Variants in PRMT2 observed in about 807,000 individuals in gnomAD.
The protein encoded by PRMT2 is protein arginine methyltransferase 2, also known as protein arginine N-methyltransferase 2.
PRMT2 carries 26 observed loss-of-function variants against 57.6 expected under a neutral mutation model. That is an observed-to-expected ratio of 0.45 (90% CI 0.33 to 0.63). The LOEUF is 0.63. Among genes scored for constraint, PRMT2 ranks in the 20% least tolerant of loss-of-function variants. The pLI, the probability that PRMT2 is intolerant of heterozygous loss-of-function variation, is 0.02. For missense variants in PRMT2, 472 were observed against 564.4 expected, an observed-to-expected ratio of 0.84 and a Z score of 1.66; for synonymous variants, 219 against 220.0, an observed-to-expected ratio of 1.00 and a Z score of 0.04.
intron 7 of PRMT2, among the ~76,000 whole-genome samples, chr21:46,656,030 T>C (rs1273551165): frequency 6.6e-6 from 1 of 152,112 alleles, no homozygotes; most frequent in South Asian, 2.1e-4. Context: ...GTGGTGGTGT[T>C]GGGAGGTGGG....
rs761248972 is a variant in PRMT2, at chr21:46,660,959, A to G, written c.957A>G (p.Leu319=). ...TGAGAACCGTGCAAATTTCTGATCT[A>G]GAGGTGAGAAAAAGATGAATTGCTC... ...LDMRTVQISD[L]ETLRGELRFD... The change falls in exon 9 of 12, where the codon CTA becomes CTG. Residue 319 remains leucine, a synonymous_variant. Transcript: ENST00000355680. The G allele has an allele frequency of 1.7e-5, 28 of 1,611,994 alleles. No homozygotes were observed. The South Asian group carries it at 3.0e-4, about 17-fold the overall frequency.
chr21:46,663,692 C>T (rs2061664144), intron 11 of PRMT2, 138 bp downstream of exon 11: 1 of 853,364 alleles, frequency 1.2e-6, no homozygotes, highest in South Asian at 1.9e-5. Context: ...AATCCTTACA[C>T]AGAAAGCGCC....
At chr21:46,642,437 G>T (rs558117762) in intron 3 of PRMT2, among the ~76,000 whole-genome samples, 125 of 152,310 alleles carry the variant, frequency 8.2e-4, no homozygotes, top group Middle Eastern at 3.4e-3. Context: ...TGAACCCAGT[G>T]AATGCTTTGT....
rs1423676363 is a variant in PRMT2, at chr21:46,660,865, C to T, written c.863C>T (p.Pro288Leu). 3 of 1,613,510 alleles carry T rather than the reference C, an allele frequency of 1.9e-6. No individual in the cohort carries two copies. The highest frequency in any genetic ancestry group is 3.3e-5 in the Admixed American group (2 of 59,968). ...SLAVKEFFSK[P>L]KYNHILKPED... ...GCAGTTAAGGAGTTTTTTTCAAAGC[C>T]CAAGTATAACCACATTTTGAAACCA... The change falls in exon 9 of 12, where the codon CCC (proline) becomes CTC (leucine). Residue 288 changes from proline to leucine, a missense_variant. Around this residue, in one of 2 missense-constraint regions of PRMT2, gnomAD observed 229 missense variants for 217.2 expected, o/e 1.05. Coordinates refer to ENST00000355680, the MANE Select transcript of PRMT2 (RefSeq NM_206962.4).
chr21:46,648,653 G>A lies in PRMT2; in HGVS notation c.489+34G>A. On this transcript the variant is annotated intron_variant, in intron 6 of 11. Transcript: ENST00000355680. The surrounding 1 kb of genome is among the most constrained non-coding windows in gnomAD (Gnocchi z 4.8). Reference sequence around the variant, plus strand: ...GGTCTCGAGCGCATCCCGGGTGTTTGTGCCGAGGCTGGTGACGTCCGAGGT... The same window carrying A: ...GGTCTCGAGCGCATCCCGGGTGTTTATGCCGAGGCTGGTGACGTCCGAGGT... The A allele has an allele frequency of 6.2e-7, 1 of 1,603,596 alleles. No individual in the cohort carries two copies. Among genetic ancestry groups the A allele is most frequent in the Admixed American group, 1.7e-5 (1 of 59,886 alleles).
intron 11 of PRMT2, among the ~76,000 whole-genome samples, chr21:46,664,056 TG>T (rs1411357423): frequency 6.6e-6 from 1 of 152,220 alleles, no homozygotes; most frequent in East Asian, 1.9e-4. Flanking sequence ...GAAAATGGAA[TG>T]TTCTTCTTTG....
Position 46,648,733 on chromosome 21 carries a change from T to C in PRMT2, c.489+114T>C. The C allele has an allele frequency of 7.4e-7, 1 of 1,357,666 alleles. No homozygotes were observed. Among genetic ancestry groups the C allele is most frequent in the Non-Finnish European group, 1.0e-6 (1 of 982,794 alleles). 84.1% of individuals were successfully genotyped at this position (1,357,666 alleles called of 1,614,324 possible). ...GAGCTGTTGGGGGCTCACCGGTGAC[T>C]CCATGGTCTTGTTGAGCACCCTGCA... On this transcript the variant is annotated intron_variant, in intron 6 of 11. Coordinates refer to ENST00000355680, the MANE Select transcript of PRMT2 (RefSeq NM_206962.4). The surrounding 1 kb of genome is among the most constrained non-coding windows in gnomAD (Gnocchi z 4.8).
At chr21:46,637,022 G>C in intron 3 of PRMT2, 32 bp downstream of exon 3, 1 of 1,609,878 alleles carries the variant, frequency 6.2e-7, no homozygotes, top group South Asian at 1.1e-5. Context: ...AAAAATCTGT[G>C]TTTAATGAAT....
At chr21:46,641,812 G>A (rs796678542) in intron 3 of PRMT2, among the ~76,000 whole-genome samples, 11 of 152,104 alleles carry the variant, frequency 7.2e-5, no homozygotes, top group African/African-American at 2.4e-4. Context: ...GCCGCACACC[G>A]GGGGGTTAGT....
chr21:46,651,893 C>T, intron 7 of PRMT2: 1 of 1,613,202 alleles, frequency 6.2e-7, no homozygotes. Context: ...TCTGCCTCTC[C>T]CCTGCACCTG....
Position 46,649,273 on chromosome 21 carries a change from C to T in PRMT2, c.490-302C>T, listed in dbSNP as rs1053688449. ...GGTGCTAAGAAGTTGCTGTGCTGGT[C>T]ATGGATTAAGATTGCTGTGCGTGTG... On this transcript the variant is annotated intron_variant, in intron 6 of 11. Coordinates refer to ENST00000355680, the MANE Select transcript of PRMT2 (RefSeq NM_206962.4). This position sits in a 1 kb window ranked among gnomAD's most constrained non-coding sequence, Gnocchi z 4.8. Among the ~76,000 whole-genome samples the T allele has an allele frequency of 3.3e-5, 5 of 152,196 alleles. No individual in the cohort carries two copies. The highest frequency in any genetic ancestry group is 7.3e-5 in the Non-Finnish European group (5 of 68,040).
At chr21:46,655,732 T>C (rs975497373) in intron 7 of PRMT2, among the ~76,000 whole-genome samples, 4 of 152,124 alleles carry the variant, frequency 2.6e-5, no homozygotes, top group African/African-American at 9.7e-5. Context: ...GCTTCAAAAA[T>C]ATGAAAGGCT....
In PRMT2 at chr21:46,649,871, A is replaced by G. The variant is rs2061424141; in HGVS notation, c.654+132A>G. 1 of 1,499,098 alleles carries G rather than the reference A, an allele frequency of 6.7e-7. No homozygotes were observed. The highest frequency in any genetic ancestry group is 9.0e-7 in the Non-Finnish European group (1 of 1,114,814). The allele number at this position is 1,499,098 out of a possible 1,614,324, so 92.9% of individuals were successfully genotyped here. ...GATGTTTTCCCTAATGTGAGGTCTA[A>G]TTAATTTCTTGTGTGGACATTGGCT... On this transcript the variant is annotated intron_variant, in intron 7 of 11. Coordinates refer to ENST00000355680, the MANE Select transcript of PRMT2 (RefSeq NM_206962.4). This position sits in a 1 kb window ranked among gnomAD's most constrained non-coding sequence, Gnocchi z 4.8.
At chr21:46,646,187 G>A (rs2148976260) in intron 5 of PRMT2, among the ~76,000 whole-genome samples, 1 of 152,230 alleles carries the variant, frequency 6.6e-6, no homozygotes, top group Non-Finnish European at 1.5e-5. Flanking sequence ...TAGGTATAGA[G>A]GTGTTTGCTA....
intron 9 of PRMT2, 58 bp from the exon 10 acceptor site, chr21:46,661,742 C>G: frequency 7.8e-7 from 1 of 1,277,010 alleles, no homozygotes; most frequent in Non-Finnish European, 1.0e-6. Flanking sequence ...GCCGCCCCAA[C>G]CCGGGCCCTG....
chr21:46,639,005 A>G (rs532521482), intron 3 of PRMT2, among the ~76,000 whole-genome samples: 4 of 152,164 alleles, frequency 2.6e-5, no homozygotes, highest in Non-Finnish European at 5.9e-5. Context: ...CTTTAAAGCT[A>G]TGACTTTCCT....
At chr21:46,660,380 G>C (rs2061601655) in intron 8 of PRMT2, among the ~76,000 whole-genome samples, 3 of 152,184 alleles carry the variant, frequency 2.0e-5, no homozygotes, top group Admixed American at 2.0e-4. Context: ...GTTTATTATA[G>C]AGTAACCTAC....
At chr21:46,647,464 T>C (rs968602276) in intron 5 of PRMT2, among the ~76,000 whole-genome samples, 4 of 152,222 alleles carry the variant, frequency 2.6e-5, no homozygotes, top group Non-Finnish European at 5.9e-5. Flanking sequence ...CACTTTTGTT[T>C]TCAGAACTGT....
At position 46,660,993 on chromosome 21, in the gene PRMT2, C is replaced by T. The variant is rs765527944; in HGVS notation, c.960+31C>T. The T allele has an allele frequency of 5.0e-6, 8 of 1,599,008 alleles. No individual in the cohort carries two copies. The African/African-American group carries it at 8.1e-5, about 16-fold the overall frequency. On this transcript the variant is annotated intron_variant, in intron 9 of 11. Coordinates refer to ENST00000355680, the MANE Select transcript of PRMT2 (RefSeq NM_206962.4). The stretch of plus-strand genomic sequence containing the variant: ...AAAAAGATGAATTGCTCCTTACATT[C>T]GATAATCAGTGACCACGAAACACTC...
Sources: gnomAD v4.1 joint callset for allele counts (sites outside exome capture counted in the v4.1 genomes callset) on GRCh38, gnomAD v4.1.1 for gene constraint, gnomAD v4.1.1 regional missense constraint, Gnocchi (gnomAD v3.1) non-coding constraint, MANE v1.5 for transcripts, NCBI Gene and HGNC (gene_info 2026-07-23, HGNC 2026-07-21) for gene names.